The following COL11A1 variants were observed in gnomAD, a reference collection of about 807,000 sequenced individuals.
COL11A1 encodes collagen alpha-1(XI) chain.
In COL11A1, 74 loss-of-function variants were observed where a neutral mutation model predicts 265.2. That is an observed-to-expected ratio of 0.28 (90% CI 0.23 to 0.34). The LOEUF (loss-of-function observed/expected upper bound fraction) is 0.34, where lower values mean the gene tolerates loss of function less well. Ranked by LOEUF, COL11A1 falls within the 10% of genes least tolerant of loss-of-function variation. The probability of loss-of-function intolerance (pLI) is 1.00; values close to 1 mark genes in which losing one functional copy is unlikely to be tolerated. For synonymous variants in COL11A1, 816 were observed against 727.6 expected (o/e 1.12, Z -1.96); for missense variants, 2,165 against 2,263.6 (o/e 0.96, Z 0.88).
chr1:103,051,709 G>A (rs1259477712), intron 4 of COL11A1, among the ~76,000 whole-genome samples: 2 of 152,200 alleles, frequency 1.3e-5, no homozygotes, highest in African/African-American at 4.8e-5. Flanking sequence ...GCTGGGAGCT[G>A]TAGACTGGAG....
At chr1:103,105,020 G>A (rs1674581028) in intron 1 of COL11A1, among the ~76,000 whole-genome samples, 1 of 151,914 alleles carries the variant, frequency 6.6e-6, no homozygotes, top group Admixed American at 6.6e-5. Flanking sequence ...ACAAGATACA[G>A]TATTGGCTTA....
chr1:102,975,539 T>C (rs535176770), intron 35 of COL11A1, among the ~76,000 whole-genome samples: 1 of 152,240 alleles, frequency 6.6e-6, no homozygotes, highest in East Asian at 1.9e-4. Context: ...ATATCATTCT[T>C]GGCTTGATTT....
At chr1:102,956,821 T>C (rs937842064) in intron 41 of COL11A1, among the ~76,000 whole-genome samples, 1 of 151,870 alleles carries the variant, frequency 6.6e-6, no homozygotes, top group African/African-American at 2.4e-5. Context: ...CTATTTTGAC[T>C]CCATTATTTC....
rs11413746 is a variant in COL11A1 at position 103,105,081 on chromosome 1, A to ATT, written c.106+2990_106+2991dup. On this transcript the variant is annotated intron_variant, in intron 1 of 66. Coordinates refer to ENST00000370096, the MANE Select transcript of COL11A1 (RefSeq NM_001854.4). ...AATTAGTAAAAAGTGATTCAATTAG[A>ATT]TTTTTTTTTTTTAGTGCTTCATTAT... 9.6e-4 allele frequency among the ~76,000 whole-genome samples: 142 copies of ATT among 148,636 alleles called. 1 individual carries two copies. The highest frequency in any genetic ancestry group is 1.9e-3 in the South Asian group (9 of 4,718).
chr1:103,050,544 G>A (rs12057584), intron 4 of COL11A1, among the ~76,000 whole-genome samples: 9,291 of 152,016 alleles, frequency 0.061, 310 homozygotes, highest in Non-Finnish European at 0.077. Context: ...CCATTGGTTC[G>A]AACTTCCTCC....
At chr1:103,080,049 T>A (rs1175905401) in intron 2 of COL11A1, among the ~76,000 whole-genome samples, 1 of 150,792 alleles carries the variant, frequency 6.6e-6, no homozygotes, top group Non-Finnish European at 1.5e-5. Context: ...TATAATAAGC[T>A]GCAATGATTG....
intron 1 of COL11A1, among the ~76,000 whole-genome samples, chr1:103,106,823 G>A (rs949029348): frequency 4.6e-5 from 7 of 152,236 alleles, no homozygotes; most frequent in South Asian, 2.1e-4. Context: ...ATCGGCCTCC[G>A]GGAGGGCTGA....
intron 3 of COL11A1, among the ~76,000 whole-genome samples, chr1:103,078,393 C>G (rs1346608341): frequency 6.6e-6 from 1 of 152,102 alleles, no homozygotes; most frequent in Non-Finnish European, 1.5e-5. Flanking sequence ...ACCCACCCCA[C>G]TGCCACACCC....
chr1:103,011,540 A>G (rs996735525), intron 14 of COL11A1, among the ~76,000 whole-genome samples: 1 of 152,052 alleles, frequency 6.6e-6, no homozygotes, highest in Non-Finnish European at 1.5e-5. Flanking sequence ...ATACATGAAG[A>G]AAAACTATTA....
chr1:102,937,914 T>A (rs535235283), intron 44 of COL11A1, among the ~76,000 whole-genome samples: 16 of 152,336 alleles, frequency 1.1e-4, no homozygotes, highest in Admixed American at 3.9e-4. Flanking sequence ...ATCAAACATA[T>A]GCAGCCGGTT....
At chr1:102,925,624 A>G (rs1227245745) in intron 46 of COL11A1, among the ~76,000 whole-genome samples, 2 of 152,060 alleles carry the variant, frequency 1.3e-5, no homozygotes, top group Non-Finnish European at 1.5e-5. Context: ...AGTTTCTGGA[A>G]GAAAAAGACA....
intron 1 of COL11A1, among the ~76,000 whole-genome samples, chr1:103,101,255 A>G (rs1238205777): frequency 6.6e-6 from 1 of 151,912 alleles, no homozygotes; most frequent in Non-Finnish European, 1.5e-5. Context: ...ACTCTAACCC[A>G]ATTAGACAAC....
intron 36 of COL11A1, among the ~76,000 whole-genome samples, chr1:102,970,907 G>T (rs1305413465): frequency 6.6e-6 from 1 of 152,030 alleles, no homozygotes; most frequent in Admixed American, 6.6e-5. Flanking sequence ...GCAGCTACTC[G>T]GGAGGCTGAG....
In COL11A1 at chr1:103,045,871, G is replaced by GT. The variant is rs569473827; in HGVS notation, c.652-14628dup. Among the ~76,000 whole-genome samples the GT allele has an allele frequency of 2.9e-4, 44 of 151,564 alleles. No homozygotes were observed. In the East Asian group the frequency reaches 7.9e-3, roughly 27 times the overall value. ...CCTGAGTGAGAAAATGCAGTGTTTG[G>GT]TTTTTTGTCCTTGTGACAGTTTGCT... On this transcript the variant is annotated intron_variant, in intron 4 of 66. Coordinates refer to ENST00000370096, the MANE Select transcript of COL11A1 (RefSeq NM_001854.4).
chr1:103,078,545 T>C, intron 3 of COL11A1, 113 bp downstream of exon 3: 1 of 968,062 alleles, frequency 1.0e-6, no homozygotes. Context: ...TGCTCATTTA[T>C]TTATCACCAG....
intron 4 of COL11A1, among the ~76,000 whole-genome samples, chr1:103,055,838 A>C (rs1670204044): frequency 6.6e-6 from 1 of 152,222 alleles, no homozygotes; most frequent in African/African-American, 2.4e-5. Context: ...ATTTTTCATA[A>C]GAAATGAACA....
At chr1:103,005,557 C>G (rs1665517559) in intron 18 of COL11A1, among the ~76,000 whole-genome samples, 1 of 152,062 alleles carries the variant, frequency 6.6e-6, no homozygotes, top group Non-Finnish European at 1.5e-5. Context: ...CCACATTGCT[C>G]TTCTGTTTAT....
intron 57 of COL11A1, among the ~76,000 whole-genome samples, chr1:102,897,362 G>A (rs993294609): frequency 2.6e-5 from 4 of 151,534 alleles, no homozygotes; most frequent in African/African-American, 9.7e-5. Context: ...CTATATGTAT[G>A]ATTTGCCATT....
At chr1:103,015,416 T>A (rs952903134) in intron 12 of COL11A1, among the ~76,000 whole-genome samples, 5 of 152,020 alleles carry the variant, frequency 3.3e-5, no homozygotes, top group Admixed American at 2.6e-4. Flanking sequence ...TAAACCACAA[T>A]TGGAAATATT....
Sources: gnomAD v4.1 joint callset for allele counts (sites outside exome capture counted in the v4.1 genomes callset) on GRCh38, gnomAD v4.1.1 for gene constraint, MANE v1.5 for transcripts, NCBI Gene and HGNC (gene_info 2026-07-23, HGNC 2026-07-21) for gene names.